The following PDE3B variants were observed in gnomAD, a reference collection of about 807,000 sequenced individuals.
The protein encoded by PDE3B is phosphodiesterase 3B, also known as cGMP-inhibited 3',5'-cyclic phosphodiesterase 3B.
PDE3B carries 66 observed loss-of-function variants against 116.8 expected under a neutral mutation model. The ratio of observed to expected loss-of-function variants is 0.56; its 90% CI spans 0.46 to 0.69. PDE3B has a LOEUF of 0.69. PDE3B is among the 30% of genes least tolerant of loss of function. The pLI, the probability that PDE3B is intolerant of heterozygous loss-of-function variation, is 0.00. For synonymous variants in PDE3B, 595 were observed against 533.6 expected (o/e 1.12, Z -1.59); for missense variants, 1,384 against 1,368.1 (o/e 1.01, Z -0.18).
At chr11:14,880,256 T>A in the PDE3B span, 4 of 1,613,108 alleles carry the variant, frequency 2.5e-6, no homozygotes, top group Non-Finnish European at 3.4e-6. Context: ...TTGGAGAAAG[T>A]AGATGATGGG....
intron 1 of PDE3B, among the ~76,000 whole-genome samples, chr11:14,757,743 T>G (rs1295133848): frequency 6.7e-6 from 1 of 148,508 alleles, no homozygotes; most frequent in East Asian, 2.0e-4. Flanking sequence ...TTTTCTCCCA[T>G]TTTGTAGGGT....
the PDE3B span, chr11:14,880,102 G>T: frequency 6.2e-7 from 1 of 1,610,038 alleles, no homozygotes; most frequent in South Asian, 1.1e-5. Context: ...CTACATGTAA[G>T]GATAGACCCT....
At chr11:14,890,490 G>C in the PDE3B span, 26 of 934,992 alleles carry the variant, frequency 2.8e-5, no homozygotes, top group Non-Finnish European at 3.3e-5. Context: ...ACCATGAAAG[G>C]AACGTAAACC....
rs1847945410 is a variant in PDE3B, at chr11:14,861,298, G to C, written c.2818G>C (p.Gly940Arg). The C allele has an allele frequency of 6.2e-7, 1 of 1,613,638 alleles. No homozygotes were observed. The highest frequency in any genetic ancestry group is 1.3e-5 in the African/African-American group (1 of 74,890). ...QVCIKLADIN[G>R]PAKVRDLHLK... Reference sequence around the variant, plus strand: ...GTGCATCAAACTGGCAGATATAAATGGCCCAGCAAAAGTTCGAGACTTGCA... The same window carrying C: ...GTGCATCAAACTGGCAGATATAAATCGCCCAGCAAAAGTTCGAGACTTGCA... Residue 940 changes from glycine (G) to arginine (R), a missense_variant, in exon 14 of 16, where the codon GGC (glycine) becomes CGC (arginine). Physicochemically the swap from Gly to Arg is moderately radical, Grantham distance 125 (BLOSUM62 -2). This residue lies in a region of PDE3B where 428 missense variants were observed against 561.4 expected (regional missense o/e 0.76). Coordinates refer to ENST00000282096, the MANE Select transcript of PDE3B (RefSeq NM_000922.4).
chr11:14,686,915 G>A (rs1428307599), intron 1 of PDE3B, among the ~76,000 whole-genome samples: 2 of 151,972 alleles, frequency 1.3e-5, no homozygotes, highest in African/African-American at 4.8e-5. Flanking sequence ...GTGTTTCACC[G>A]TGTTAGCCAG....
chr11:14,787,738 A>G (rs1590145167), intron 3 of PDE3B, among the ~76,000 whole-genome samples: 1 of 151,850 alleles, frequency 6.6e-6, no homozygotes, highest in African/African-American at 2.4e-5. Context: ...TTAGCACTCT[A>G]TCTTATAAGA....
chr11:14,851,532 G>GTGTGTGTT (rs1847754865), intron 12 of PDE3B, among the ~76,000 whole-genome samples: 1 of 151,746 alleles, frequency 6.6e-6, no homozygotes, highest in African/African-American at 2.4e-5. Flanking sequence ...GTGTGTGTGT[G>GTGTGTGTT]TGTTAATGGG....
chr11:14,731,819 T>A (rs1650264633), intron 1 of PDE3B, among the ~76,000 whole-genome samples: 2 of 152,194 alleles, frequency 1.3e-5, no homozygotes. Context: ...CTGACTTAAG[T>A]GCTGGAGATA....
intron 1 of PDE3B, among the ~76,000 whole-genome samples, chr11:14,735,358 C>T (rs1212059961): frequency 6.6e-6 from 1 of 152,116 alleles, no homozygotes; most frequent in Admixed American, 6.6e-5. Flanking sequence ...TGTTAAGATT[C>T]TTCATACTGA....
rs1723264973 is a variant in PDE3B at position 14,809,625 on chromosome 11, A to AAT, written c.1522+5575_1522+5576insAT. Among the ~76,000 whole-genome samples, 3 of 152,230 alleles carry AAT rather than the reference A, an allele frequency of 2.0e-5. No homozygotes were observed. The South Asian group carries it at 6.2e-4, about 31-fold the overall frequency. ...GTTGAAACCTAATCCCCAATGAGAC[A>AAT]GTATTAAGAGATGGGGCCTTTTGGA... On this transcript the variant is annotated intron_variant, in intron 5 of 15. Transcript: ENST00000282096.
intron 5 of PDE3B, among the ~76,000 whole-genome samples, chr11:14,816,518 A>G (rs1264168252): frequency 1.3e-5 from 2 of 152,222 alleles, no homozygotes; most frequent in Admixed American, 6.5e-5. Flanking sequence ...TCTGGAATAA[A>G]TAGACAGAAT....
chr11:14,767,645 G>A (rs1346144147), intron 1 of PDE3B, among the ~76,000 whole-genome samples: 1 of 151,308 alleles, frequency 6.6e-6, no homozygotes, highest in Non-Finnish European at 1.5e-5. Flanking sequence ...AATAATGCAG[G>A]TCTTAGAGAA....
intron 1 of PDE3B, among the ~76,000 whole-genome samples, chr11:14,701,187 A>G (rs1051116577): frequency 2.0e-5 from 3 of 151,784 alleles, no homozygotes; most frequent in African/African-American, 7.2e-5. Flanking sequence ...GGATTTATTC[A>G]TATTGTAGCT....
chr11:14,818,394 G>T lies in PDE3B; in HGVS notation c.1733+1G>T. The T allele has an allele frequency of 6.3e-7, 1 of 1,587,664 alleles. No individual in the cohort carries two copies. ...ATTCTGATAGCAATCTGTGTAACAG[G>T]TAAGTTTCCCAACTGTTTATTATTT... On this transcript the variant is annotated splice_donor_variant, in intron 6 of 15. Coordinates refer to ENST00000282096, the MANE Select transcript of PDE3B (RefSeq NM_000922.4). LOFTEE classifies it high-confidence loss of function.
chr11:14,889,342 C>A, the PDE3B span, among the ~76,000 whole-genome samples: 1 of 152,090 alleles, frequency 6.6e-6, no homozygotes. Context: ...AACTTTGAGA[C>A]TTTGTCAGAA....
intron 7 of PDE3B, among the ~76,000 whole-genome samples, chr11:14,826,369 G>T (rs2133957767): frequency 6.6e-6 from 1 of 152,128 alleles, no homozygotes; most frequent in Admixed American, 6.6e-5. Context: ...TAAATAGGCT[G>T]CTAGCTAGAG....
At chr11:14,846,348 A>G (rs1360960733) in intron 12 of PDE3B, among the ~76,000 whole-genome samples, 15 of 152,326 alleles carry the variant, frequency 9.8e-5, no homozygotes, top group Middle Eastern at 3.4e-3. Flanking sequence ...AGCACTAAAC[A>G]TGGAAAGGAA....
chr11:14,668,501 C>G (rs995460293), intron 1 of PDE3B, among the ~76,000 whole-genome samples: 1 of 151,910 alleles, frequency 6.6e-6, no homozygotes, highest in East Asian at 1.9e-4. Context: ...CTTTTAAGTA[C>G]AAATATATTT....
chr11:14,794,190 A>G (rs1184996791), intron 4 of PDE3B, among the ~76,000 whole-genome samples: 2 of 152,180 alleles, frequency 1.3e-5, no homozygotes, highest in African/African-American at 2.4e-5. Context: ...CTGACAGCAC[A>G]TTTCTGATAC....
Sources: gnomAD v4.1 joint callset for allele counts (sites outside exome capture counted in the v4.1 genomes callset) on GRCh38, gnomAD v4.1.1 for gene constraint, gnomAD v4.1.1 regional missense constraint, MANE v1.5 for transcripts, NCBI Gene and HGNC (gene_info 2026-07-23, HGNC 2026-07-21) for gene names.